NRG3: variants seen among roughly 807,000 people sequenced by gnomAD.
The protein encoded by NRG3 is neuregulin 3.
In NRG3, 31 loss-of-function variants were observed where a neutral mutation model predicts 66.9. The ratio of observed to expected loss-of-function variants is 0.46; its 90% CI spans 0.35 to 0.63. The LOEUF is 0.63. Ranked by LOEUF, NRG3 falls within the 20% of genes least tolerant of loss-of-function variation. The pLI, the probability that NRG3 is intolerant of heterozygous loss-of-function variation, is 0.00. For synonymous variants in NRG3, 393 were observed against 359.4 expected (o/e 1.09, Z -1.06); for missense variants, 910 against 878.9 (o/e 1.04, Z -0.45).
At chr10:82,048,809 G>T (rs1376448268) in intron 1 of NRG3, among the ~76,000 whole-genome samples, 1 of 151,308 alleles carries the variant, frequency 6.6e-6, no homozygotes, top group Non-Finnish European at 1.5e-5. Flanking sequence ...ATGAATCCAG[G>T]AGCTGGTTTT....
intron 1 of NRG3, among the ~76,000 whole-genome samples, chr10:82,004,986 A>G (rs4933819): frequency 0.68 from 102,884 of 152,194 alleles, 35,462 homozygotes; most frequent in African/African-American, 0.82. Context: ...ACATACTGTC[A>G]TGCTTGTTAT....
intron 2 of NRG3, among the ~76,000 whole-genome samples, chr10:82,373,091 C>T (rs1156424776): frequency 6.6e-6 from 1 of 152,136 alleles, no homozygotes; most frequent in Non-Finnish European, 1.5e-5. Flanking sequence ...TGAGCTGCTG[C>T]GAGGCTCGCA....
intron 1 of NRG3, among the ~76,000 whole-genome samples, chr10:82,333,545 A>AT (rs1279929776): frequency 6.6e-6 from 1 of 152,100 alleles, no homozygotes; most frequent in Non-Finnish European, 1.5e-5. Context: ...TTCTATAGAC[A>AT]TTTTTCCTTG....
At chr10:82,358,971 A>G (rs2083953581) in intron 2 of NRG3, 103 bp downstream of exon 2, 1 of 1,490,052 alleles carries the variant, frequency 6.7e-7, no homozygotes, top group South Asian at 1.2e-5. Flanking sequence ...GGATACACAC[A>G]GTCCCACCGT....
chr10:82,404,882 C>A (rs1683459287), intron 2 of NRG3, among the ~76,000 whole-genome samples: 1 of 152,020 alleles, frequency 6.6e-6, no homozygotes, highest in African/African-American at 2.4e-5. Context: ...CCATTTTTTT[C>A]CCTGTCAGCA....
chr10:82,597,466 C>T (rs2047353780), intron 2 of NRG3, among the ~76,000 whole-genome samples: 1 of 152,192 alleles, frequency 6.6e-6, no homozygotes, highest in South Asian at 2.1e-4. Flanking sequence ...ATATTTCTGT[C>T]TTTATAAACC....
At chr10:82,928,593 C>G (rs1847241467) in intron 4 of NRG3, among the ~76,000 whole-genome samples, 2 of 142,412 alleles carry the variant, frequency 1.4e-5, no homozygotes, top group African/African-American at 5.2e-5. Context: ...TTATTTTTAT[C>G]TATTTCAGGG....
At chr10:82,102,135 T>TATATATATATATGTGTGTATTC (rs2066787474) in intron 1 of NRG3, among the ~76,000 whole-genome samples, 1 of 21,630 alleles carries the variant, frequency 4.6e-5, no homozygotes, top group East Asian at 9.4e-4. Flanking sequence ...TGTGTATTCA[T>TATATATATATATGTGTGTATTC]ATATATATAT....
At chr10:82,692,049 G>A (rs2054973571) in intron 2 of NRG3, among the ~76,000 whole-genome samples, 1 of 152,100 alleles carries the variant, frequency 6.6e-6, no homozygotes, top group Admixed American at 6.6e-5. Flanking sequence ...CAAGGTGGGT[G>A]GATCACCTGA....
chr10:82,736,233 A>T (rs902550429), intron 2 of NRG3, among the ~76,000 whole-genome samples: 9 of 152,348 alleles, frequency 5.9e-5, no homozygotes, highest in African/African-American at 2.2e-4. Flanking sequence ...TGCCAACTTC[A>T]ATCTATGCAC....
intron 1 of NRG3, among the ~76,000 whole-genome samples, chr10:82,177,686 A>G (rs2073132101): frequency 6.6e-6 from 1 of 152,058 alleles, no homozygotes; most frequent in African/African-American, 2.4e-5. Flanking sequence ...TGATCCTCCC[A>G]CCTCAGCCTC....
At chr10:82,180,819 G>A (rs2073366543) in intron 1 of NRG3, among the ~76,000 whole-genome samples, 1 of 151,924 alleles carries the variant, frequency 6.6e-6, no homozygotes, top group South Asian at 2.1e-4. Flanking sequence ...GAGAAGAACT[G>A]TTGTTAATTC....
At chr10:82,356,710 T>A (rs1300640789) in intron 1 of NRG3, among the ~76,000 whole-genome samples, 1 of 152,232 alleles carries the variant, frequency 6.6e-6, no homozygotes, top group Non-Finnish European at 1.5e-5. Flanking sequence ...AACATATGTG[T>A]GAGGGTCTGT....
intron 1 of NRG3, among the ~76,000 whole-genome samples, chr10:82,355,115 G>A (rs751406727): frequency 2.0e-5 from 3 of 152,116 alleles, no homozygotes; most frequent in Admixed American, 2.0e-4. Flanking sequence ...CTTAAAAGTG[G>A]CATAGCTTTA....
At chr10:81,961,350 C>T (rs903039805) in intron 1 of NRG3, among the ~76,000 whole-genome samples, 1 of 152,080 alleles carries the variant, frequency 6.6e-6, no homozygotes, top group Non-Finnish European at 1.5e-5. Flanking sequence ...TTCTAGGCAG[C>T]CCACTCCCCA....
At chr10:82,788,788 T>A (rs2060471143) in intron 3 of NRG3, among the ~76,000 whole-genome samples, 1 of 152,152 alleles carries the variant, frequency 6.6e-6, no homozygotes, top group African/African-American at 2.4e-5. Flanking sequence ...AAAAAATTTT[T>A]TTTTTAAATC....
intron 1 of NRG3, among the ~76,000 whole-genome samples, chr10:82,322,543 T>C (rs895095175): frequency 1.3e-5 from 2 of 151,600 alleles, no homozygotes; most frequent in Non-Finnish European, 2.9e-5. Context: ...TTAGCTTTTT[T>C]TTTTTAAAAT....
intron 1 of NRG3, among the ~76,000 whole-genome samples, chr10:82,198,911 C>T (rs12774614): frequency 0.47 from 70,397 of 151,200 alleles, 18,166 homozygotes; most frequent in Middle Eastern, 0.66. Context: ...GCAGGAGAAT[C>T]GCTTGAACCC....
intron 1 of NRG3, among the ~76,000 whole-genome samples, chr10:82,069,440 G>T (rs972449375): frequency 1.3e-5 from 2 of 152,106 alleles, no homozygotes; most frequent in Non-Finnish European, 2.9e-5. Flanking sequence ...ACACATGAGC[G>T]TATTTAACTT....
Sources: allele counts gnomAD v4.1 joint callset (sites outside exome capture counted in the v4.1 genomes callset), GRCh38; gene constraint gnomAD v4.1.1; transcripts MANE v1.5; gene names NCBI Gene and HGNC (gene_info 2026-07-23, HGNC 2026-07-21).